The following CHIC2 variants were observed in gnomAD, a reference collection of about 807,000 sequenced individuals.
CHIC2 encodes the protein cysteine rich hydrophobic domain 2, also known as cysteine-rich hydrophobic domain-containing protein 2.
Under a neutral mutation model 25.9 loss-of-function variants are expected in CHIC2, and 14 were observed. The ratio of observed to expected loss-of-function variants is 0.54; its 90% CI spans 0.36 to 0.85. The LOEUF (loss-of-function observed/expected upper bound fraction) is 0.85, where lower values mean the gene tolerates loss of function less well. CHIC2 is among the 40% of genes least tolerant of loss of function. CHIC2 has a pLI of 0.01. For missense variants in CHIC2, 146 were observed against 202.0 expected (o/e 0.72, Z 1.68); for synonymous variants, 70 against 72.0 (o/e 0.97, Z 0.14).
intron 3 of CHIC2, among the ~76,000 whole-genome samples, chr4:54,021,039 C>A (rs556506219): frequency 3.3e-5 from 5 of 152,200 alleles, no homozygotes; most frequent in Non-Finnish European, 7.4e-5. Context: ...TTTAAACTTA[C>A]CTTCTTCACT....
intron 3 of CHIC2, among the ~76,000 whole-genome samples, chr4:54,015,304 T>G (rs1445436177): frequency 6.6e-6 from 1 of 152,110 alleles, no homozygotes; most frequent in Non-Finnish European, 1.5e-5. Flanking sequence ...AATGACTAAT[T>G]TATTACATTA....
the CHIC2 span, among the ~76,000 whole-genome samples, chr4:54,082,032 A>G: frequency 8.1e-4 from 124 of 152,344 alleles, 1 homozygote; most frequent in South Asian, 1.7e-3. Flanking sequence ...GCCTGGTCGA[A>G]GCAAAAAGGT....
intron 3 of CHIC2, among the ~76,000 whole-genome samples, chr4:54,017,144 AT>A (rs1415104105): frequency 6.6e-6 from 1 of 151,656 alleles, no homozygotes; most frequent in Non-Finnish European, 1.5e-5. Context: ...TCAGGTAGCT[AT>A]TTCTAATGAA....
intron 1 of CHIC2, among the ~76,000 whole-genome samples, chr4:54,051,190 C>A (rs1261285280): frequency 6.6e-6 from 1 of 152,010 alleles, no homozygotes; most frequent in Non-Finnish European, 1.5e-5. Flanking sequence ...CCATAGCTCC[C>A]TATGACTCCA....
chr4:54,064,583 C>A lies in CHIC2; in HGVS notation c.-283G>T, dbSNP rs545708326. ...AGCACAGACGCCGCTGCCGCCGCCGCAGCAGCAGCAACTCAGGAAACCACA... is the reference window on the plus strand; with the variant it reads ...AGCACAGACGCCGCTGCCGCCGCCGAAGCAGCAGCAACTCAGGAAACCACA... On this transcript the variant is annotated 5_prime_UTR_variant, in exon 1 of 6. Coordinates refer to ENST00000263921, the MANE Select transcript of CHIC2 (RefSeq NM_012110.4). This position sits in a 1 kb window ranked among gnomAD's most constrained non-coding sequence, Gnocchi z 4.2. The A allele has an allele frequency of 1.5e-4, 184 of 1,249,030 alleles. No individual in the cohort carries two copies. The African/African-American group carries it at 2.8e-3, about 19-fold the overall frequency. The allele number at this position is 1,249,030 out of a possible 1,614,324, so 77.4% of individuals were successfully genotyped here. A position where few individuals can be genotyped will look rare whatever the true frequency, so the allele number is the denominator to read the frequency against.
At chr4:54,040,703 CA>C (rs71200354) in intron 3 of CHIC2, among the ~76,000 whole-genome samples, 2,918 of 59,318 alleles carry the variant, frequency 0.049, 69 homozygotes, top group African/African-American at 0.13. Flanking sequence ...AACTCTGTCT[CA>C]AAAAAAAAAA....
intron 1 of CHIC2, among the ~76,000 whole-genome samples, chr4:54,051,525 A>AC (rs951083366): frequency 6.6e-6 from 1 of 152,038 alleles, no homozygotes; most frequent in Admixed American, 6.6e-5. Context: ...CACAACCAAC[A>AC]TTTTTTTGCA....
At chr4:54,023,057 A>G in intron 3 of CHIC2, among the ~76,000 whole-genome samples, 1 of 151,930 alleles carries the variant, frequency 6.6e-6, no homozygotes, top group East Asian at 1.9e-4. Context: ...AACCTAGCTG[A>G]CCCCATAGAT....
At chr4:54,086,816 C>A in the CHIC2 span, 1 of 396,822 alleles carries the variant, frequency 2.5e-6, no homozygotes, top group South Asian at 3.0e-5. Context: ...GATTGTATCT[C>A]CCACTGTATC....
At chr4:54,079,342 C>T in the CHIC2 span, among the ~76,000 whole-genome samples, 3 of 152,036 alleles carry the variant, frequency 2.0e-5, no homozygotes, top group South Asian at 2.1e-4. Context: ...ATTTCCTTGA[C>T]GTTGTTATTG....
chr4:54,070,817 A>G, the CHIC2 span, among the ~76,000 whole-genome samples: 3 of 152,124 alleles, frequency 2.0e-5, no homozygotes, highest in Non-Finnish European at 4.4e-5. Flanking sequence ...AATGGCACAC[A>G]TTCTGTAACA....
the CHIC2 span, among the ~76,000 whole-genome samples, chr4:54,079,312 A>G: frequency 1.3e-5 from 2 of 152,320 alleles, no homozygotes; most frequent in Middle Eastern, 3.4e-3. Context: ...CAAAACTCCT[A>G]GAACAAAAAA....
the CHIC2 span, among the ~76,000 whole-genome samples, chr4:54,070,000 G>A: frequency 2.6e-5 from 4 of 152,226 alleles, no homozygotes; most frequent in Admixed American, 6.5e-5. Flanking sequence ...CTGTGGAGAA[G>A]CACAGGGGTC....
chr4:54,049,723 A>G (rs747061620), intron 1 of CHIC2, among the ~76,000 whole-genome samples: 6 of 152,162 alleles, frequency 3.9e-5, no homozygotes, highest in Non-Finnish European at 4.4e-5. Flanking sequence ...TACACAAGCA[A>G]TAAGATGAGA....
intron 3 of CHIC2, among the ~76,000 whole-genome samples, chr4:54,039,469 C>G (rs947757965): frequency 4.6e-5 from 7 of 152,102 alleles, no homozygotes; most frequent in Admixed American, 1.3e-4. Context: ...AAAAGGTGCT[C>G]AATATCATTA....
intron 3 of CHIC2, among the ~76,000 whole-genome samples, chr4:54,014,645 A>G (rs1464624213): frequency 2.6e-5 from 4 of 152,204 alleles, no homozygotes; most frequent in Non-Finnish European, 5.9e-5. Flanking sequence ...TTCTACCAAT[A>G]GATTTTTTGA....
chr4:54,065,238 A>ATTTTT (rs368744053), upstream of CHIC2: 1 of 613,632 alleles, frequency 1.6e-6, no homozygotes, highest in Non-Finnish European at 2.0e-6. Flanking sequence ...CGATGCTGGT[A>ATTTTT]TTTTTTTTTT....
At chr4:54,047,796 TAATA>T (rs1716881475) in intron 3 of CHIC2, among the ~76,000 whole-genome samples, 1 of 151,914 alleles carries the variant, frequency 6.6e-6, no homozygotes, top group Non-Finnish European at 1.5e-5. Context: ...ATTTAACGTA[TAATA>T]ATTAAAAAAA....
chr4:54,040,052 C>T (rs556786492), intron 3 of CHIC2, among the ~76,000 whole-genome samples: 2 of 152,056 alleles, frequency 1.3e-5, no homozygotes, highest in Admixed American at 6.5e-5. Flanking sequence ...GAGGGTTCAA[C>T]TACAGAGGTA....
Sources: gnomAD v4.1 joint callset for allele counts (sites outside exome capture counted in the v4.1 genomes callset) on GRCh38, gnomAD v4.1.1 for gene constraint, Gnocchi (gnomAD v3.1) non-coding constraint, MANE v1.5 for transcripts, NCBI Gene and HGNC (gene_info 2026-07-23, HGNC 2026-07-21) for gene names.